Variants in TENM3 observed in about 807,000 individuals in gnomAD.
TENM3 encodes teneurin-3.
Under a neutral mutation model 255.1 loss-of-function variants are expected in TENM3, and 63 were observed. The ratio of observed to expected loss-of-function variants is 0.25; its 90% CI spans 0.20 to 0.30. The LOEUF (loss-of-function observed/expected upper bound fraction) is 0.30, where lower values mean the gene tolerates loss of function less well. TENM3 is among the 10% of genes least tolerant of loss of function. The pLI is 1.00. For synonymous variants in TENM3, 1,306 were observed against 1,322.3 expected (o/e 0.99, Z 0.27); for missense variants, 2,929 against 3,461.1 (o/e 0.85, Z 3.86).
the TENM3 span, among the ~76,000 whole-genome samples, chr4:181,509,372 C>T: frequency 2.6e-5 from 4 of 151,628 alleles, no homozygotes; most frequent in Non-Finnish European, 2.9e-5. Context: ...AATTATGAAA[C>T]TTAGGCTTTC....
At chr4:181,873,887 C>T in the TENM3 span, among the ~76,000 whole-genome samples, 2 of 152,022 alleles carry the variant, frequency 1.3e-5, no homozygotes, top group African/African-American at 2.4e-5. Context: ...CAGGTTCAAG[C>T]GATTCTCCTA....
At chr4:181,488,627 A>G in the TENM3 span, among the ~76,000 whole-genome samples, 1 of 152,004 alleles carries the variant, frequency 6.6e-6, no homozygotes, top group Admixed American at 6.6e-5. Context: ...AAAACTGCAT[A>G]TTTTGACCAT....
the TENM3 span, among the ~76,000 whole-genome samples, chr4:181,763,631 A>G: frequency 1.1e-3 from 170 of 152,340 alleles, no homozygotes; most frequent in African/African-American, 3.7e-3. Flanking sequence ...TTTTACTGCT[A>G]CGTCTTCAGA....
chr4:181,832,545 T>C, the TENM3 span, among the ~76,000 whole-genome samples: 13 of 152,306 alleles, frequency 8.5e-5, no homozygotes, highest in Admixed American at 7.2e-4. Flanking sequence ...AGCAGCTGGC[T>C]ATTTCCAGGC....
chr4:182,234,468 C>T (rs1756771840), intron 1 of TENM3, among the ~76,000 whole-genome samples: 2 of 152,204 alleles, frequency 1.3e-5, no homozygotes, highest in Admixed American at 1.3e-4. Context: ...TGCAGTGGCT[C>T]ACGCCTGTAA....
At chr4:181,962,838 C>G in the TENM3 span, among the ~76,000 whole-genome samples, 2 of 152,024 alleles carry the variant, frequency 1.3e-5, no homozygotes, top group Non-Finnish European at 2.9e-5. Context: ...GTTATCAACA[C>G]GTAGACTAAA....
chr4:182,397,761 C>G (rs992015707), intron 3 of TENM3, among the ~76,000 whole-genome samples: 1 of 152,138 alleles, frequency 6.6e-6, no homozygotes, highest in South Asian at 2.1e-4. Flanking sequence ...TGCTGGGCCC[C>G]CTTCCCCCAA....
chr4:182,602,736 GT>G (rs1270797165), intron 4 of TENM3, among the ~76,000 whole-genome samples: 1 of 151,970 alleles, frequency 6.6e-6, no homozygotes, highest in African/African-American at 2.4e-5. Context: ...TTTTCCTGAG[GT>G]TATTAGCACA....
the TENM3 span, among the ~76,000 whole-genome samples, chr4:181,605,478 C>CAGAG: frequency 2.7e-4 from 20 of 72,860 alleles, no homozygotes; most frequent in South Asian, 5.4e-4. Context: ...GAGAGAGAAA[C>CAGAG]AGAGAAAGAA....
intron 3 of TENM3, among the ~76,000 whole-genome samples, chr4:182,600,695 G>A (rs946436568): frequency 1.3e-5 from 2 of 151,944 alleles, no homozygotes. Flanking sequence ...TTTGCCATCT[G>A]TTGTGTATTA....
chr4:181,888,502 A>ATATATATATATATATATACATATATGTG, the TENM3 span, among the ~76,000 whole-genome samples: 2 of 24,382 alleles, frequency 8.2e-5, no homozygotes, highest in Non-Finnish European at 7.7e-5. Flanking sequence ...GTGTATATAT[A>ATATATATATATATATATACATATATGTG]TATATATATA....
In TENM3 at chr4:182,638,867, G is replaced by T. The variant is rs192224400; in HGVS notation, c.988+9978G>T. Among the ~76,000 whole-genome samples the T allele has an allele frequency of 4.5e-3, 683 of 152,282 alleles. 4 individuals carry two copies. The highest frequency in any genetic ancestry group is 0.016 in the African/African-American group (654 of 41,554). On this transcript the variant is annotated intron_variant, in intron 5 of 27. Coordinates refer to ENST00000511685, the MANE Select transcript of TENM3 (RefSeq NM_001080477.4). The stretch of plus-strand genomic sequence containing the variant: ...AGCCTCCACCTGCCCCTGAAGGAGA[G>T]GAAACCTGTCACATATTATCCTGCA...
chr4:181,589,084 G>C, the TENM3 span, among the ~76,000 whole-genome samples: 1 of 151,972 alleles, frequency 6.6e-6, no homozygotes, highest in Non-Finnish European at 1.5e-5. Context: ...TCTACCAAAG[G>C]AGCTTGTGAA....
the TENM3 span, among the ~76,000 whole-genome samples, chr4:181,484,644 C>G: frequency 6.6e-6 from 1 of 152,100 alleles, no homozygotes; most frequent in Non-Finnish European, 1.5e-5. Flanking sequence ...TTAGTTGCTG[C>G]AGTAGATTCT....
At chr4:182,433,425 A>C (rs542554509) in intron 3 of TENM3, among the ~76,000 whole-genome samples, 56 of 152,316 alleles carry the variant, frequency 3.7e-4, no homozygotes, top group African/African-American at 1.3e-3. Flanking sequence ...GGAATAGCAT[A>C]ATTTGTGAGG....
intron 3 of TENM3, among the ~76,000 whole-genome samples, chr4:182,451,217 A>G (rs1019736412): frequency 6.6e-6 from 1 of 152,222 alleles, no homozygotes; most frequent in Admixed American, 6.5e-5. Context: ...ATAAAATCAT[A>G]CTAAATTTTG....
At chr4:182,769,443 T>C (rs557494700) in intron 22 of TENM3, among the ~76,000 whole-genome samples, 1 of 148,760 alleles carries the variant, frequency 6.7e-6, no homozygotes, top group Admixed American at 6.7e-5. Flanking sequence ...AAAAAAAAAA[T>C]GATGTGGAGA....
intron 3 of TENM3, among the ~76,000 whole-genome samples, chr4:182,553,780 A>C (rs1742313208): frequency 6.6e-6 from 1 of 152,208 alleles, no homozygotes; most frequent in South Asian, 2.1e-4. Context: ...AAACCTTCAA[A>C]GAAAATGGAG....
the TENM3 span, among the ~76,000 whole-genome samples, chr4:181,999,959 A>G: frequency 6.6e-6 from 1 of 152,184 alleles, no homozygotes; most frequent in African/African-American, 2.4e-5. Context: ...ATAAAATAAT[A>G]AGAAACTCCA....
Sources: gnomAD v4.1 joint callset for allele counts (sites outside exome capture counted in the v4.1 genomes callset) on GRCh38, gnomAD v4.1.1 for gene constraint, MANE v1.5 for transcripts, NCBI Gene and HGNC (gene_info 2026-07-23, HGNC 2026-07-21) for gene names.